Variants in ATF6 observed in about 807,000 individuals in gnomAD.
ATF6 encodes the protein cyclic AMP-dependent transcription factor ATF-6 alpha.
A neutral mutation model predicts 83.6 loss-of-function variants in ATF6; 53 were observed. That is an observed-to-expected ratio of 0.63 (90% CI 0.51 to 0.80). ATF6 has a LOEUF of 0.80. Among genes scored for constraint, ATF6 ranks in the 30% least tolerant of loss-of-function variants. ATF6 has a pLI of 0.00. For synonymous variants in ATF6, 288 were observed against 285.8 expected (o/e 1.01, Z -0.08); for missense variants, 744 against 797.9 (o/e 0.93, Z 0.81).
Position 161,933,566 on chromosome 1 carries a change from A to T in ATF6, c.1804+21186A>T, listed in dbSNP as rs185638167. Among the ~76,000 whole-genome samples, 783 of 152,352 alleles carry T rather than the reference A, an allele frequency of 5.1e-3. 10 individuals are homozygous for T. Among genetic ancestry groups the T allele is most frequent in the Non-Finnish European group, 8.1e-3 (554 of 68,028 alleles). On this transcript the variant is annotated intron_variant, in intron 15 of 15. Transcript: ENST00000367942. ...TTTGAACATGTACAACATGCAAAAG[A>T]ATATTTTTTCTCCTTAAATCATACT...
At chr1:161,889,426 A>G (rs1415547651) in intron 14 of ATF6, among the ~76,000 whole-genome samples, 1 of 152,158 alleles carries the variant, frequency 6.6e-6, no homozygotes, top group Non-Finnish European at 1.5e-5. Flanking sequence ...TCCTTAATAA[A>G]CTTCCTGTAA....
chr1:161,948,147 G>C (rs1028524184), intron 15 of ATF6, among the ~76,000 whole-genome samples: 15 of 152,002 alleles, frequency 9.9e-5, no homozygotes, highest in African/African-American at 3.6e-4. Context: ...AATGTTTTTG[G>C]TTTGGATTAT....
At position 161,807,865 on chromosome 1, in the gene ATF6, CTTTTTTTTTTTT is replaced by C. The variant is rs761462420; in HGVS notation, c.909+5614_909+5625del. ...CTTTTTGTACTTTTTAGTTTGTCAT[CTTTTTTTTTTTT>C]TTTTTTTTTTTTTTTTTTTTGAGAC... On this transcript the variant is annotated intron_variant, in intron 7 of 15. Coordinates refer to ENST00000367942, the MANE Select transcript of ATF6 (RefSeq NM_007348.4). Among the ~76,000 whole-genome samples, 36 of 32,346 alleles carry C rather than the reference CTTTTTTTTTTTT, an allele frequency of 1.1e-3. 1 individual carries two copies. In the South Asian group the frequency reaches 0.017, roughly 15 times the overall value. 21.2% of individuals were successfully genotyped at this position (32,346 alleles called of 152,430 possible). A position where few individuals can be genotyped will look rare whatever the true frequency, so the allele number is the denominator to read the frequency against.
intron 15 of ATF6, among the ~76,000 whole-genome samples, chr1:161,918,056 T>C (rs1451024889): frequency 6.6e-6 from 1 of 152,194 alleles, no homozygotes. Flanking sequence ...ATTGAAAATA[T>C]TTGGGACTCC....
intron 15 of ATF6, among the ~76,000 whole-genome samples, chr1:161,916,246 C>G (rs1688099221): frequency 6.6e-6 from 1 of 152,028 alleles, no homozygotes; most frequent in Non-Finnish European, 1.5e-5. Context: ...ACTATTCCCT[C>G]TTTTTTTTAG....
chr1:161,945,621 T>C (rs1352718731), intron 15 of ATF6, among the ~76,000 whole-genome samples: 1 of 152,228 alleles, frequency 6.6e-6, no homozygotes, highest in Non-Finnish European at 1.5e-5. Flanking sequence ...AATGGGATCC[T>C]AATAACAAGT....
chr1:161,779,500 G>C (rs1684587823), intron 2 of ATF6, among the ~76,000 whole-genome samples: 1 of 152,180 alleles, frequency 6.6e-6, no homozygotes, highest in African/African-American at 2.4e-5. Flanking sequence ...TGAAGAGTTA[G>C]AGTATATAAG....
rs1384400101 is a variant in ATF6 at position 161,960,205 on chromosome 1, C to G, written c.*1551C>G. 1 of 152,084 alleles carries G rather than the reference C, an allele frequency of 6.6e-6. No homozygotes were observed. Among genetic ancestry groups the G allele is most frequent in the Non-Finnish European group, 1.5e-5 (1 of 68,040 alleles). The allele number at this position is 152,084 out of a possible 1,614,324, so 9.4% of individuals were successfully genotyped here. A position where few individuals can be genotyped will look rare whatever the true frequency, so the allele number is the denominator to read the frequency against. ...GAACTGGATCTCATACAGCGATGTC[C>G]TCTCTAATGTTCTACCTTTCAGTTT... On this transcript the variant is annotated 3_prime_UTR_variant, in exon 16 of 16. Coordinates refer to ENST00000367942, the MANE Select transcript of ATF6 (RefSeq NM_007348.4).
rs187989312 is a variant in ATF6, at chr1:161,964,009, C to G, written c.*5355C>G. The G allele has an allele frequency of 2.6e-4, 39 of 152,268 alleles. No homozygotes were observed. In the East Asian group the frequency reaches 3.5e-3, roughly 14 times the overall value. 9.4% of individuals were successfully genotyped at this position (152,268 alleles called of 1,614,324 possible). The stretch of plus-strand genomic sequence containing the variant: ...ATAACAACAGACTATTTCATACTTT[C>G]AAGCAAGTCTTTATACTACCTGTTA... On this transcript the variant is annotated 3_prime_UTR_variant, in exon 16 of 16. Transcript: ENST00000367942.
intron 12 of ATF6, among the ~76,000 whole-genome samples, chr1:161,855,890 G>A (rs963649483): frequency 1.3e-5 from 2 of 152,216 alleles, no homozygotes; most frequent in African/African-American, 4.8e-5. Flanking sequence ...TTGGAGTGGT[G>A]ATGGCAAAAG....
At chr1:161,907,947 G>A (rs1373047386) in intron 14 of ATF6, among the ~76,000 whole-genome samples, 1 of 152,038 alleles carries the variant, frequency 6.6e-6, no homozygotes, top group East Asian at 1.9e-4. Flanking sequence ...GCAATCTGAG[G>A]GCAGACTATT....
chr1:161,904,471 C>A (rs1200526708), intron 14 of ATF6, among the ~76,000 whole-genome samples: 3 of 152,020 alleles, frequency 2.0e-5, no homozygotes, highest in Non-Finnish European at 4.4e-5. Context: ...GCATGTAATC[C>A]TAGCTACTCA....
chr1:161,767,695 CT>C lies in ATF6; in HGVS notation c.82+1254del, dbSNP rs1684296796. Among the ~76,000 whole-genome samples, 5 of 152,218 alleles carry C rather than the reference CT, an allele frequency of 3.3e-5. No homozygotes were observed. The South Asian group carries it at 1.0e-3, about 31-fold the overall frequency. ...GACCAGGTTTTTCTACCTCCAAAGT[CT>C]GTACCCCTAGCATCTATTCTATAAT... On this transcript the variant is annotated intron_variant, in intron 1 of 15. Coordinates refer to ENST00000367942, the MANE Select transcript of ATF6 (RefSeq NM_007348.4).
chr1:161,960,254 C>G lies in ATF6; in HGVS notation c.*1600C>G, dbSNP rs1285726445. 1 of 152,230 alleles carries G rather than the reference C, an allele frequency of 6.6e-6. No homozygotes were observed. Among genetic ancestry groups the G allele is most frequent in the Non-Finnish European group, 1.5e-5 (1 of 68,050 alleles). The allele number at this position is 152,230 out of a possible 1,614,324, so 9.4% of individuals were successfully genotyped here. A position where few individuals can be genotyped will look rare whatever the true frequency, so the allele number is the denominator to read the frequency against. Reference sequence around the variant, plus strand: ...TTCTAAAGTGAGTCTTCCTCCCTCTCCTACAAAACTTTTCAATTTTTTGAT... The same window carrying G: ...TTCTAAAGTGAGTCTTCCTCCCTCTGCTACAAAACTTTTCAATTTTTTGAT... On this transcript the variant is annotated 3_prime_UTR_variant, in exon 16 of 16. Transcript: ENST00000367942.
intron 9 of ATF6, among the ~76,000 whole-genome samples, chr1:161,832,768 T>C (rs1571171659): frequency 6.6e-6 from 1 of 152,214 alleles, no homozygotes; most frequent in African/African-American, 2.4e-5. Context: ...AAGCTTGAAC[T>C]GGGTGGAGCC....
At chr1:161,875,612 T>C (rs1276888856) in intron 14 of ATF6, among the ~76,000 whole-genome samples, 7 of 151,852 alleles carry the variant, frequency 4.6e-5, no homozygotes. Context: ...GTCAAAAATA[T>C]GTCAGTTTTC....
At chr1:161,853,349 A>G (rs1416109517) in intron 12 of ATF6, 26 bp downstream of exon 12, 6 of 1,570,782 alleles carry the variant, frequency 3.8e-6, no homozygotes, top group East Asian at 2.3e-5. Flanking sequence ...TCTTTGAACA[A>G]TAGTTGGCGT....
chr1:161,766,680 C>T (rs978853598), intron 1 of ATF6, among the ~76,000 whole-genome samples: 1 of 152,000 alleles, frequency 6.6e-6, no homozygotes, highest in African/African-American at 2.4e-5. Context: ...TTTCACTATT[C>T]CCACTGGGGA....
intron 14 of ATF6, among the ~76,000 whole-genome samples, chr1:161,910,606 C>A (rs1687972091): frequency 6.6e-6 from 1 of 152,158 alleles, no homozygotes; most frequent in African/African-American, 2.4e-5. Flanking sequence ...CCAGTGGAAT[C>A]TAAGTTTGTT....
Sources: allele counts gnomAD v4.1 joint callset (sites outside exome capture counted in the v4.1 genomes callset), GRCh38; gene constraint gnomAD v4.1.1; transcripts MANE v1.5; gene names NCBI Gene and HGNC (gene_info 2026-07-23, HGNC 2026-07-21).